The following RUFY3 variants were observed in gnomAD, a reference collection of about 807,000 sequenced individuals.
RUFY3 encodes the protein protein RUFY3.
RUFY3 carries 34 observed loss-of-function variants against 84.0 expected under a neutral mutation model. The observed-to-expected ratio is 0.40, with a 90% CI of 0.31 to 0.54. The LOEUF (loss-of-function observed/expected upper bound fraction) is 0.54. Ranked by LOEUF, RUFY3 falls within the 20% of genes least tolerant of loss-of-function variation. The pLI, the probability that RUFY3 is intolerant of heterozygous loss-of-function variation, is 0.39. For missense variants in RUFY3, 507 were observed against 736.8 expected, an observed-to-expected ratio of 0.69 and a Z score of 3.61; for synonymous variants, 242 against 252.9, an observed-to-expected ratio of 0.96 and a Z score of 0.41.
At chr4:70,793,938 TC>T (rs1316875725) in intron 13 of RUFY3, 34 bp downstream of exon 13, 2 of 1,610,062 alleles carry the variant, frequency 1.2e-6, no homozygotes, top group African/African-American at 2.7e-5. Flanking sequence ...GACAGGGTGG[TC>T]ATGGGTAATT....
At chr4:70,787,168 GAAAAAA>G (rs71211959) in intron 10 of RUFY3, among the ~76,000 whole-genome samples, 7 of 53,024 alleles carry the variant, frequency 1.3e-4, no homozygotes, top group African/African-American at 4.3e-4. Context: ...CCCTGTCTCA[GAAAAAA>G]AAAAAAAAAA....
chr4:70,753,375 C>G (rs914112571), intron 1 of RUFY3, among the ~76,000 whole-genome samples: 2 of 152,134 alleles, frequency 1.3e-5, no homozygotes, highest in African/African-American at 4.8e-5. Context: ...GTTGTTTTTG[C>G]TTTTTAATTT....
At chr4:70,778,573 CTT>C (rs377520137) in intron 8 of RUFY3, 135 bp downstream of exon 8, 4,497 of 150,660 alleles carry the variant, frequency 0.03, no homozygotes, top group South Asian at 0.062. Flanking sequence ...ACTTCTTATT[CTT>C]TTTTTTTTTT....
intron 3 of RUFY3, among the ~76,000 whole-genome samples, 157 bp from the exon 4 acceptor site, chr4:70,764,318 T>C (rs1725483651): frequency 2.0e-5 from 3 of 152,196 alleles, no homozygotes. Flanking sequence ...CACACAAAAA[T>C]TCCTTGCATG....
intron 1 of RUFY3, among the ~76,000 whole-genome samples, chr4:70,761,491 G>C (rs2148703495): frequency 6.6e-6 from 1 of 152,248 alleles, no homozygotes; most frequent in African/African-American, 2.4e-5. Flanking sequence ...GTGAGTCAGG[G>C]CAGAGCAGCT....
At chr4:70,710,420 CATCACT>C (rs1409736833) in intron 1 of RUFY3, among the ~76,000 whole-genome samples, 6 of 152,168 alleles carry the variant, frequency 3.9e-5, no homozygotes, top group African/African-American at 1.4e-4. Context: ...CCTGTAATCC[CATCACT>C]TTGGGAGGCC....
intron 1 of RUFY3, among the ~76,000 whole-genome samples, chr4:70,758,495 T>G (rs1466057350): frequency 6.6e-6 from 1 of 152,102 alleles, no homozygotes; most frequent in Non-Finnish European, 1.5e-5. Context: ...AGCACAAAAA[T>G]GTTAATAATA....
rs535016398 is a variant in RUFY3 at position 70,710,546 on chromosome 4, T to G, written c.358+5252T>G. Among the ~76,000 whole-genome samples the G allele has an allele frequency of 1.9e-3, 291 of 152,090 alleles. 1 individual carries two copies. The highest frequency in any genetic ancestry group is 6.5e-3 in the African/African-American group (269 of 41,500). ...TTAGCTGGGCATGGTGACGCACACC[T>G]GTGATCCCAGCTACTCAGGAGTTTG... On this transcript the variant is annotated intron_variant, in intron 1 of 11. Coordinates refer to the RUFY3 transcript ENST00000417478.
chr4:70,732,210 A>G (rs1577990324), intron 1 of RUFY3, among the ~76,000 whole-genome samples: 2 of 152,208 alleles, frequency 1.3e-5, no homozygotes, highest in South Asian at 4.1e-4. Context: ...CATCTGGGAC[A>G]TTTGTTTGAA....
intron 12 of RUFY3, chr4:70,792,589 G>A (rs73827006): frequency 0.02 from 19,270 of 985,174 alleles, 234 homozygotes; most frequent in Middle Eastern, 0.05. Flanking sequence ...CAAAATACTT[G>A]GGTTTTTTTC....
At position 70,807,663 on chromosome 4, in the gene RUFY3, CT is replaced by C. The variant is rs57107005; in HGVS notation, c.*1021del. Among the ~76,000 whole-genome samples the C allele has an allele frequency of 0.018, 2,236 of 126,152 alleles. 27 individuals are homozygous for C. The highest frequency in any genetic ancestry group is 0.053 in the African/African-American group (1,804 of 34,040). The allele number at this position is 126,152 out of a possible 152,430, so 82.8% of individuals were successfully genotyped here. ...TAGCCTCCCAAGTAGCTGGGACTGG[CT>C]TTTTTTTTTTTTTTTTGGCCGGGGA... is the stretch of plus-strand genomic sequence containing the variant. On this transcript the variant is annotated 3_prime_UTR_variant, in exon 18 of 18. Transcript: ENST00000381006.
Position 70,801,282 on chromosome 4 carries a change from A to G in RUFY3, c.1622+1077A>G, listed in dbSNP as rs75329542. On this transcript the variant is annotated intron_variant, in intron 15 of 17. Transcript: ENST00000381006. ...TCTGTATGATACTATGATGGTGGAT[A>G]CATGTCATTATACATTTGACCACAC... 4.0e-5 allele frequency among the ~76,000 whole-genome samples: 6 copies of G among 151,862 alleles called. No individual in the cohort carries two copies. In the East Asian group the frequency reaches 1.2e-3, roughly 29 times the overall value.
intron 9 of RUFY3, 34 bp from the exon 10 acceptor site, chr4:70,784,762 C>T (rs1321700274): frequency 2.5e-5 from 37 of 1,475,298 alleles, no homozygotes; most frequent in Non-Finnish European, 3.2e-5. Context: ...AGATTAAATC[C>T]TTAAATATGT....
chr4:70,747,774 G>A (rs955937886), intron 1 of RUFY3, among the ~76,000 whole-genome samples: 1 of 152,164 alleles, frequency 6.6e-6, no homozygotes, highest in Non-Finnish European at 1.5e-5. Context: ...CATCTATTCA[G>A]GAGGCTGAGG....
intron 1 of RUFY3, chr4:70,705,325 C>G: frequency 7.6e-7 from 1 of 1,323,416 alleles, no homozygotes; most frequent in Non-Finnish European, 9.7e-7. Context: ...GGGACGCCCG[C>G]GGGGAAGGGA....
intron 12 of RUFY3, chr4:70,791,746 C>G: frequency 1.0e-6 from 1 of 992,202 alleles, no homozygotes; most frequent in East Asian, 1.1e-4. Context: ...ACCATGTGAA[C>G]TTGAACTCTT....
intron 10 of RUFY3, among the ~76,000 whole-genome samples, chr4:70,786,532 T>C (rs1290452735): frequency 6.6e-6 from 1 of 151,912 alleles, no homozygotes; most frequent in Non-Finnish European, 1.5e-5. Context: ...TTCTTTATGC[T>C]GGAAAAAAAA....
At chr4:70,796,040 G>A (rs1273071487) in intron 14 of RUFY3, among the ~76,000 whole-genome samples, 1 of 152,066 alleles carries the variant, frequency 6.6e-6, no homozygotes, top group East Asian at 1.9e-4. Flanking sequence ...TTCATCACAA[G>A]TATTAGCCAG....
intron 1 of RUFY3, among the ~76,000 whole-genome samples, chr4:70,754,528 A>ATT (rs371643194): frequency 7.6e-5 from 11 of 144,308 alleles, no homozygotes; most frequent in Non-Finnish European, 9.2e-5. Context: ...CTCTATTATA[A>ATT]TTTTTTTTTT....
Sources: gnomAD v4.1 joint callset for allele counts (sites outside exome capture counted in the v4.1 genomes callset) on GRCh38, gnomAD v4.1.1 for gene constraint, MANE v1.5 for transcripts, NCBI Gene and HGNC (gene_info 2026-07-23, HGNC 2026-07-21) for gene names.